Variants in ITGA1 observed in about 807,000 individuals in gnomAD.
ITGA1 encodes integrin subunit alpha 1.
Under a neutral mutation model 145.9 loss-of-function variants are expected in ITGA1, and 85 were observed. The ratio of observed to expected loss-of-function variants is 0.58; its 90% CI spans 0.49 to 0.70. The LOEUF is 0.70. Ranked by LOEUF, ITGA1 falls within the 30% of genes least tolerant of loss-of-function variation. The probability of loss-of-function intolerance (pLI) is 0.00; values close to 1 mark genes in which losing one functional copy is unlikely to be tolerated. For missense variants in ITGA1, 1,351 were observed against 1,418.7 expected (o/e 0.95, Z 0.77); for synonymous variants, 520 against 495.3 (o/e 1.05, Z -0.66).
intron 1 of ITGA1, chr5:52,800,266 C>G (rs865954530): frequency 1.1e-6 from 1 of 913,142 alleles, no homozygotes; most frequent in African/African-American, 1.7e-5. Flanking sequence ...GTTTCCTTCC[C>G]GCCAGGCAAG....
chr5:52,850,512 A>G (rs1387353016), intron 2 of ITGA1, among the ~76,000 whole-genome samples: 1 of 152,172 alleles, frequency 6.6e-6, no homozygotes, highest in Non-Finnish European at 1.5e-5. Flanking sequence ...AAGCAAAAAG[A>G]GATTTATATC....
At chr5:52,900,132 A>G (rs142450831) in intron 11 of ITGA1, among the ~76,000 whole-genome samples, 249 of 152,342 alleles carry the variant, frequency 1.6e-3, no homozygotes, top group African/African-American at 5.9e-3. Context: ...GATATGTGCT[A>G]TGACACAGAA....
intron 1 of ITGA1, among the ~76,000 whole-genome samples, chr5:52,820,707 G>C (rs550971813): frequency 9.9e-5 from 15 of 152,196 alleles, no homozygotes; most frequent in African/African-American, 3.6e-4. Flanking sequence ...TATTTGGTGA[G>C]CCCTAACTGC....
At chr5:52,943,326 G>C (rs965837154) in intron 26 of ITGA1, among the ~76,000 whole-genome samples, 1 of 152,222 alleles carries the variant, frequency 6.6e-6, no homozygotes, top group African/African-American at 2.4e-5. Flanking sequence ...TGTGGTGTAA[G>C]TTGAGTGTAG....
rs1472862723 is a variant in ITGA1, at chr5:52,953,871, A to G, written c.*1420A>G. On this transcript the variant is annotated 3_prime_UTR_variant, in exon 29 of 29. Coordinates refer to ENST00000282588, the MANE Select transcript of ITGA1 (RefSeq NM_181501.2). Reference sequence around the variant, plus strand: ...CCAGAACCTGTAACAAGACCAGAACATGTATTCATCCAGAAACTCCTGGGC... The same window carrying G: ...CCAGAACCTGTAACAAGACCAGAACGTGTATTCATCCAGAAACTCCTGGGC... 1 of 152,240 alleles carries G rather than the reference A, an allele frequency of 6.6e-6. No homozygotes were observed. The highest frequency in any genetic ancestry group is 1.5e-5 in the Non-Finnish European group (1 of 68,044). 9.4% of individuals were successfully genotyped at this position (152,240 alleles called of 1,614,324 possible).
At chr5:52,887,083 C>G (rs534525537) in intron 7 of ITGA1, among the ~76,000 whole-genome samples, 7 of 152,146 alleles carry the variant, frequency 4.6e-5, no homozygotes, top group Non-Finnish European at 1.0e-4. Context: ...TTTTCCCCTC[C>G]TCTCCATTGC....
chr5:52,940,755 A>G (rs1386819453), intron 26 of ITGA1, among the ~76,000 whole-genome samples: 2 of 152,098 alleles, frequency 1.3e-5, no homozygotes, highest in Non-Finnish European at 2.9e-5. Context: ...GTAAGTTGCT[A>G]TTTTTATGTC....
At chr5:52,918,641 C>T (rs545611302) in intron 15 of ITGA1, 91 bp from the exon 16 acceptor site, 5 of 1,254,414 alleles carry the variant, frequency 4.0e-6, no homozygotes, top group South Asian at 1.5e-5. Flanking sequence ...TGAAGCAGAA[C>T]CCTCTTCCAT....
intron 24 of ITGA1, among the ~76,000 whole-genome samples, chr5:52,939,130 T>C (rs1040616897): frequency 2.0e-5 from 3 of 152,280 alleles, no homozygotes; most frequent in Non-Finnish European, 4.4e-5. Context: ...CTCGAACTCC[T>C]GACCTCAGGT....
intron 18 of ITGA1, 60 bp downstream of exon 18, chr5:52,922,947 T>A: frequency 2.0e-6 from 2 of 994,750 alleles, no homozygotes; most frequent in Non-Finnish European, 3.2e-6. Flanking sequence ...ATGTCACTAG[T>A]AAACTGTGTT....
At chr5:52,927,702 A>G (rs543789764) in intron 20 of ITGA1, 38 bp downstream of exon 20, 3 of 1,281,666 alleles carry the variant, frequency 2.3e-6, no homozygotes, top group East Asian at 4.6e-5. Flanking sequence ...GAAATTGAAT[A>G]TGAAAAGTAA....
At chr5:52,949,460 G>C (rs1440108597) in intron 28 of ITGA1, among the ~76,000 whole-genome samples, 1 of 152,134 alleles carries the variant, frequency 6.6e-6, no homozygotes, top group Non-Finnish European at 1.5e-5. Flanking sequence ...TTTCGACCAA[G>C]TATTTTAACT....
intron 1 of ITGA1, among the ~76,000 whole-genome samples, chr5:52,830,547 C>G (rs1749043249): frequency 6.6e-6 from 1 of 152,062 alleles, no homozygotes; most frequent in Non-Finnish European, 1.5e-5. Flanking sequence ...GAAAGTTACT[C>G]CATGTTGGTA....
chr5:52,873,476 A>C (rs1749816829), intron 6 of ITGA1, among the ~76,000 whole-genome samples: 1 of 152,164 alleles, frequency 6.6e-6, no homozygotes, highest in Non-Finnish European at 1.5e-5. Flanking sequence ...CAACTTTATT[A>C]TGTTTCTGAA....
intron 1 of ITGA1, among the ~76,000 whole-genome samples, chr5:52,840,677 A>G (rs1056553699): frequency 2.6e-5 from 4 of 152,174 alleles, no homozygotes; most frequent in African/African-American, 9.7e-5. Context: ...AATAAACACC[A>G]TGAAAGAACA....
chr5:52,893,533 A>G, intron 8 of ITGA1, 142 bp from the exon 9 acceptor site: 2 of 644,286 alleles, frequency 3.1e-6, no homozygotes, highest in East Asian at 6.0e-5. Context: ...TTTGAAAATC[A>G]CTCTTCCATA....
At chr5:52,856,990 C>G (rs887927975) in intron 2 of ITGA1, among the ~76,000 whole-genome samples, 1 of 152,162 alleles carries the variant, frequency 6.6e-6, no homozygotes, top group Non-Finnish European at 1.5e-5. Flanking sequence ...CTCTGTTAAG[C>G]AACACTGGGC....
rs926733551 is a variant in ITGA1, at chr5:52,952,896, A to C, written c.*445A>C. 2 of 152,300 alleles carry C rather than the reference A, an allele frequency of 1.3e-5. No homozygotes were observed. Among genetic ancestry groups the C allele is most frequent in the Admixed American group, 1.3e-4 (2 of 15,284 alleles). The allele number at this position is 152,300 out of a possible 1,614,324, so 9.4% of individuals were successfully genotyped here. On this transcript the variant is annotated 3_prime_UTR_variant, in exon 29 of 29. Coordinates refer to ENST00000282588, the MANE Select transcript of ITGA1 (RefSeq NM_181501.2). ...AGCACTCGTAAATGCCAAGAAAAGA[A>C]TTACCTGAAAAAGATCATTTCTCCC...
At chr5:52,944,460 T>C (rs2111906931) in intron 26 of ITGA1, among the ~76,000 whole-genome samples, 1 of 152,302 alleles carries the variant, frequency 6.6e-6, no homozygotes, top group South Asian at 2.1e-4. Context: ...TGCGGTGTTT[T>C]CTCCCTAGAG....
Sources: allele counts gnomAD v4.1 joint callset (sites outside exome capture counted in the v4.1 genomes callset), GRCh38; gene constraint gnomAD v4.1.1; transcripts MANE v1.5; gene names NCBI Gene and HGNC (gene_info 2026-07-23, HGNC 2026-07-21).